RUNDC3B: variants seen among roughly 807,000 people sequenced by gnomAD.
RUNDC3B encodes RUN domain-containing protein 3B.
A neutral mutation model predicts 58.4 loss-of-function variants in RUNDC3B; 33 were observed. That is an observed-to-expected ratio of 0.56 (90% CI 0.43 to 0.75). The LOEUF (loss-of-function observed/expected upper bound fraction) is 0.75. Ranked by LOEUF, RUNDC3B falls within the 30% of genes least tolerant of loss-of-function variation. The probability of loss-of-function intolerance (pLI) is 0.00; values close to 1 mark genes in which losing one functional copy is unlikely to be tolerated. For synonymous variants in RUNDC3B, 193 were observed against 195.2 expected (o/e 0.99, Z 0.10); for missense variants, 501 against 535.7 (o/e 0.94, Z 0.64).
At chr7:87,720,328 G>C (rs1173564631) in intron 4 of RUNDC3B, among the ~76,000 whole-genome samples, 1 of 152,038 alleles carries the variant, frequency 6.6e-6, no homozygotes, top group Non-Finnish European at 1.5e-5. Flanking sequence ...ATGAGAGAGA[G>C]AGACAGACAG....
At chr7:87,777,465 G>T (rs1042188456) in intron 7 of RUNDC3B, among the ~76,000 whole-genome samples, 2 of 152,134 alleles carry the variant, frequency 1.3e-5, no homozygotes, top group Admixed American at 1.3e-4. Context: ...TCACAAAGAA[G>T]CAACTTTCTA....
chr7:87,692,845 C>T (rs559387510), intron 2 of RUNDC3B, among the ~76,000 whole-genome samples: 2 of 152,196 alleles, frequency 1.3e-5, no homozygotes, highest in South Asian at 2.1e-4. Context: ...CTTTAACTGT[C>T]GTACCAAGTT....
chr7:87,775,228 T>C (rs1328160975), intron 7 of RUNDC3B, among the ~76,000 whole-genome samples: 2 of 152,200 alleles, frequency 1.3e-5, no homozygotes, highest in African/African-American at 4.8e-5. Flanking sequence ...GTGATATTGA[T>C]GATCCTGACC....
At chr7:87,740,931 G>A (rs1040794990) in intron 5 of RUNDC3B, among the ~76,000 whole-genome samples, 5 of 152,076 alleles carry the variant, frequency 3.3e-5, no homozygotes, top group East Asian at 1.9e-4. Flanking sequence ...AAGGCCAGGC[G>A]CGGTGGCTTT....
At chr7:87,759,466 C>A (rs139835008) in intron 6 of RUNDC3B, among the ~76,000 whole-genome samples, 284 of 151,806 alleles carry the variant, frequency 1.9e-3, no homozygotes, top group African/African-American at 6.6e-3. Context: ...TTTAAAATTA[C>A]CAAAAGAGTG....
chr7:87,680,987 C>A (rs1826874768), intron 2 of RUNDC3B, among the ~76,000 whole-genome samples: 1 of 150,122 alleles, frequency 6.7e-6, no homozygotes, highest in Admixed American at 6.7e-5. Flanking sequence ...TCTGGTTAGG[C>A]TGATCAAGAA....
intron 7 of RUNDC3B, among the ~76,000 whole-genome samples, chr7:87,773,515 T>C (rs1834417359): frequency 6.6e-6 from 1 of 152,144 alleles, no homozygotes; most frequent in South Asian, 2.1e-4. Context: ...TGAACGGATA[T>C]AGTGAACTTC....
At chr7:87,719,304 G>A (rs1830732090) in intron 4 of RUNDC3B, among the ~76,000 whole-genome samples, 1 of 151,856 alleles carries the variant, frequency 6.6e-6, no homozygotes, top group Non-Finnish European at 1.5e-5. Flanking sequence ...ATAGAATACA[G>A]CTTAGCTCCC....
intron 6 of RUNDC3B, among the ~76,000 whole-genome samples, chr7:87,754,516 T>C (rs1023755772): frequency 1.3e-5 from 2 of 151,736 alleles, no homozygotes; most frequent in African/African-American, 4.8e-5. Flanking sequence ...CAACCTAATA[T>C]CACAATGGAA....
chr7:87,647,833 T>G (rs1036967761), intron 1 of RUNDC3B, among the ~76,000 whole-genome samples: 2 of 151,934 alleles, frequency 1.3e-5, no homozygotes, highest in Admixed American at 1.3e-4. Context: ...CATCTGAAAA[T>G]GGATAATCAA....
At chr7:87,707,160 A>G (rs1829671028) in intron 3 of RUNDC3B, among the ~76,000 whole-genome samples, 1 of 152,124 alleles carries the variant, frequency 6.6e-6, no homozygotes, top group Non-Finnish European at 1.5e-5. Flanking sequence ...GTTGCTATAA[A>G]TTTTCATACA....
chr7:87,729,447 C>T (rs1281422188), intron 4 of RUNDC3B, among the ~76,000 whole-genome samples: 2 of 152,116 alleles, frequency 1.3e-5, no homozygotes, highest in South Asian at 2.1e-4. Flanking sequence ...AGTAATTGTG[C>T]GACTTGACGT....
At chr7:87,678,995 C>T (rs533420368) in intron 2 of RUNDC3B, among the ~76,000 whole-genome samples, 106 of 151,160 alleles carry the variant, frequency 7.0e-4, no homozygotes, top group Non-Finnish European at 1.3e-3. Flanking sequence ...ACACTCCTCT[C>T]ATAATAGTAG....
At chr7:87,771,797 G>A (rs1013581092) in intron 7 of RUNDC3B, among the ~76,000 whole-genome samples, 1 of 152,164 alleles carries the variant, frequency 6.6e-6, no homozygotes, top group Admixed American at 6.5e-5. Flanking sequence ...GTAGGAGTGA[G>A]GTGCAAAATG....
At position 87,670,597 on chromosome 7, in the gene RUNDC3B, G is replaced by C. The variant is rs550988325; in HGVS notation, c.238+19660G>C. 3.9e-5 allele frequency among the ~76,000 whole-genome samples: 6 copies of C among 152,324 alleles called. No individual in the cohort carries two copies. The South Asian group carries it at 1.2e-3, about 32-fold the overall frequency. On this transcript the variant is annotated intron_variant, in intron 2 of 10. Coordinates refer to ENST00000394654, the MANE Select transcript of RUNDC3B (RefSeq NM_001134405.2). ...CTTGCATTGGTTCTTTCTCATCTCT[G>C]TGTGTGGGTGTTCCTTTATCTGCAT... is the stretch of plus-strand genomic sequence containing the variant.
At chr7:87,763,289 T>C (rs898385255) in intron 6 of RUNDC3B, among the ~76,000 whole-genome samples, 7 of 151,824 alleles carry the variant, frequency 4.6e-5, no homozygotes, top group African/African-American at 1.7e-4. Context: ...ATTTCTAAAG[T>C]AGGCATAATT....
intron 8 of RUNDC3B, among the ~76,000 whole-genome samples, chr7:87,798,067 T>C (rs924854552): frequency 6.6e-6 from 1 of 152,138 alleles, no homozygotes; most frequent in African/African-American, 2.4e-5. Flanking sequence ...GAGTTGGAGG[T>C]GCTTGCTCTC....
intron 4 of RUNDC3B, among the ~76,000 whole-genome samples, chr7:87,715,409 A>G (rs961040995): frequency 3.5e-4 from 46 of 131,880 alleles, no homozygotes; most frequent in Admixed American, 2.8e-3. Flanking sequence ...TTTAATATTT[A>G]ATATAATATA....
At chr7:87,757,880 G>T (rs955158589) in intron 6 of RUNDC3B, among the ~76,000 whole-genome samples, 1 of 152,118 alleles carries the variant, frequency 6.6e-6, no homozygotes, top group Non-Finnish European at 1.5e-5. Flanking sequence ...ATTTTCTAGA[G>T]AGGTCAAGAA....
Sources: allele counts gnomAD v4.1 joint callset (sites outside exome capture counted in the v4.1 genomes callset), GRCh38; gene constraint gnomAD v4.1.1; transcripts MANE v1.5; gene names NCBI Gene and HGNC (gene_info 2026-07-23, HGNC 2026-07-21).